Variants in EPHA2 observed in about 807,000 individuals in gnomAD.
EPHA2 encodes the protein EPH receptor A2.
EPHA2 carries 54 observed loss-of-function variants against 104.9 expected under a neutral mutation model. The ratio of observed to expected loss-of-function variants is 0.51; its 90% CI spans 0.41 to 0.65. EPHA2 has a LOEUF of 0.65. Among genes scored for constraint, EPHA2 ranks in the 30% least tolerant of loss-of-function variants. The pLI is 0.00. For synonymous variants in EPHA2, 560 were observed against 559.1 expected, an observed-to-expected ratio of 1.00 and a Z score of -0.02; for missense variants, 1,117 against 1,369.5, an observed-to-expected ratio of 0.82 and a Z score of 2.91.
chr1:16,136,829 G>C (rs1243674611), intron 5 of EPHA2, among the ~76,000 whole-genome samples: 5 of 146,402 alleles, frequency 3.4e-5, no homozygotes, highest in Non-Finnish European at 7.5e-5. Flanking sequence ...ACGGAGTTTC[G>C]CTCTTGTTGC....
At chr1:16,143,482 C>T (rs2024866921) in intron 3 of EPHA2, among the ~76,000 whole-genome samples, 1 of 152,078 alleles carries the variant, frequency 6.6e-6, no homozygotes, top group Non-Finnish European at 1.5e-5. Flanking sequence ...TCTGGCAGGC[C>T]TGGGCTACTC....
Position 16,130,826 on chromosome 1 carries a change from C to T in EPHA2, c.2476-407G>A, listed in dbSNP as rs904426672. 2.0e-5 allele frequency among the ~76,000 whole-genome samples: 3 copies of T among 152,082 alleles called. No individual in the cohort carries two copies. Among genetic ancestry groups the T allele is most frequent in the African/African-American group, 7.2e-5 (3 of 41,398 alleles). On this transcript the variant is annotated intron_variant, in intron 14 of 16. Transcript: ENST00000358432. This position sits in a 1 kb window ranked among gnomAD's most constrained non-coding sequence, Gnocchi z 4.5. ...TTAATTTTTTGTAGAGATGGGGTTT[C>T]GTCATGTTGTCCAGGCTGGTCTCGA...
At chr1:16,155,749 A>C in intron 1 of EPHA2, 99 bp downstream of exon 1, 2 of 990,828 alleles carry the variant, frequency 2.0e-6, no homozygotes, top group Non-Finnish European at 2.7e-6. Context: ...GGACTGGGCG[A>C]CACCAGGTAG....
At chr1:16,136,947 C>T (rs375288631) in intron 5 of EPHA2, among the ~76,000 whole-genome samples, 2 of 151,432 alleles carry the variant, frequency 1.3e-5, no homozygotes, top group Admixed American at 6.6e-5. Flanking sequence ...TACAGGCATG[C>T]GCCACCACAC....
At chr1:16,151,002 T>C (rs199886996) in intron 1 of EPHA2, 39 bp from the exon 2 acceptor site, 34 of 1,603,708 alleles carry the variant, frequency 2.1e-5, no homozygotes, top group Non-Finnish European at 2.8e-5. Context: ...CCTGGGGGTG[T>C]CTTCAGGAGT....
intron 16 of EPHA2, among the ~76,000 whole-genome samples, chr1:16,127,703 G>T (rs2124188264): frequency 6.6e-6 from 1 of 152,322 alleles, no homozygotes; most frequent in Middle Eastern, 3.4e-3. Context: ...GAGGAGGCAT[G>T]CAGGCCCCAG....
At chr1:16,138,741 C>T (rs2024768266) in intron 3 of EPHA2, among the ~76,000 whole-genome samples, 1 of 152,238 alleles carries the variant, frequency 6.6e-6, no homozygotes, top group South Asian at 2.1e-4. Context: ...TTTCAGCCAA[C>T]CAAGAATCCC....
At chr1:16,152,950 C>A (rs547621498) in intron 1 of EPHA2, among the ~76,000 whole-genome samples, 1 of 152,190 alleles carries the variant, frequency 6.6e-6, no homozygotes, top group African/African-American at 2.4e-5. Context: ...TGGGTCCCTC[C>A]GCCCTGACGC....
chr1:16,145,197 G>A (rs1162585125), intron 3 of EPHA2, among the ~76,000 whole-genome samples: 1 of 152,198 alleles, frequency 6.6e-6, no homozygotes, highest in Non-Finnish European at 1.5e-5. Context: ...GCCAGCACAG[G>A]AAGCGGAGAC....
At chr1:16,155,550 G>C in intron 1 of EPHA2, 1 of 380,278 alleles carries the variant, frequency 2.6e-6, no homozygotes, top group Non-Finnish European at 4.7e-6. Flanking sequence ...GCCCCCCGCC[G>C]GGACGCGTTC....
intron 2 of EPHA2, among the ~76,000 whole-genome samples, chr1:16,149,855 C>A (rs932496032): frequency 6.6e-6 from 1 of 152,170 alleles, no homozygotes; most frequent in African/African-American, 2.4e-5. Flanking sequence ...GTCCCGAGAG[C>A]CGGCCTGAGA....
intron 1 of EPHA2, among the ~76,000 whole-genome samples, chr1:16,154,295 CAA>C (rs2025105036): frequency 6.6e-6 from 1 of 152,160 alleles, no homozygotes; most frequent in African/African-American, 2.4e-5. Flanking sequence ...TGAGCTCCTG[CAA>C]CCAGAAGTCC....
chr1:16,143,158 T>TGATGGATGGATGGATGGATGGATG (rs34028517), intron 3 of EPHA2, among the ~76,000 whole-genome samples: 1 of 123,072 alleles, frequency 8.1e-6, no homozygotes, highest in African/African-American at 3.3e-5. Flanking sequence ...AATGGATGGA[T>TGATGGATGGATGGATGGATGGATG]GATGGATGGA....
Position 16,148,594 on chromosome 1 carries a change from C to T in EPHA2, c.607G>A (p.Glu203Lys), listed in dbSNP as rs1477038802. 5.6e-6 allele frequency: 9 copies of T among 1,610,342 alleles called. No individual in the cohort carries two copies. Among genetic ancestry groups the T allele is most frequent in the African/African-American group, 1.3e-5 (1 of 75,066 alleles). Reference protein sequence around the residue: ...SVRVYYKKCPELLQGLAHFPE... With the variant: ...SVRVYYKKCPKLLQGLAHFPE... ...AAGTGGGCCAGGCCCTGCAGCAGCT[C>T]GGGGCACTTCTTGTAGTAGACACGG... Residue 203 changes from glutamate to lysine, a missense_variant, in exon 3 of 17, where the codon GAG becomes AAG. Physicochemically the swap from Glu to Lys is moderately conservative, Grantham distance 56. Transcript: ENST00000358432. The surrounding 1 kb of genome is among the most constrained non-coding windows in gnomAD (Gnocchi z 4.9).
rs1233810957 is a variant in EPHA2 at position 16,150,873 on chromosome 1, C to T, written c.153+23G>A. ...CCAGCAGCCCCATTCTCACACCTCT[C>T]CCCACCCCGAAGGCTTACATACCCC... On this transcript the variant is annotated intron_variant, in intron 2 of 16. Transcript: ENST00000358432. This position sits in a 1 kb window ranked among gnomAD's most constrained non-coding sequence, Gnocchi z 4.8. 20 of 1,613,964 alleles carry T rather than the reference C, an allele frequency of 1.2e-5. No individual in the cohort carries two copies. Among genetic ancestry groups the T allele is most frequent in the Admixed American group, 1.7e-5 (1 of 60,020 alleles).
At position 16,149,947 on chromosome 1, in the gene EPHA2, C is replaced by T. The variant is rs150401104; in HGVS notation, c.154-900G>A. ...AGCACAGGGGAGGAGGACAGAGGCCCGGGCTATACTGTGTGGCGTTGGCCA... is the reference window on the plus strand; with the variant it reads ...AGCACAGGGGAGGAGGACAGAGGCCTGGGCTATACTGTGTGGCGTTGGCCA... On this transcript the variant is annotated intron_variant, in intron 2 of 16. Coordinates refer to ENST00000358432, the MANE Select transcript of EPHA2 (RefSeq NM_004431.5). 3.3e-5 allele frequency among the ~76,000 whole-genome samples: 5 copies of T among 152,286 alleles called. No individual in the cohort carries two copies. The East Asian group carries it at 5.8e-4, about 18-fold the overall frequency.
In EPHA2 at chr1:16,130,529, A is replaced by G; in HGVS notation, c.2476-110T>C. The G allele has an allele frequency of 9.1e-7, 1 of 1,094,294 alleles. No individual in the cohort carries two copies. Among genetic ancestry groups the G allele is most frequent in the Non-Finnish European group, 1.3e-6 (1 of 793,410 alleles). The allele number at this position is 1,094,294 out of a possible 1,614,324, so 67.8% of individuals were successfully genotyped here. On this transcript the variant is annotated intron_variant, in intron 14 of 16. Coordinates refer to ENST00000358432, the MANE Select transcript of EPHA2 (RefSeq NM_004431.5). This position sits in a 1 kb window ranked among gnomAD's most constrained non-coding sequence, Gnocchi z 4.5. ...GAGGGGAGGGGAACAGGAACATCCC[A>G]GAAACAGACAGGAAGGGCCTTTCTT...
At position 16,133,277 on chromosome 1, in the gene EPHA2, G is replaced by A. The variant is rs2124205640; in HGVS notation, c.1956C>T (p.Tyr652=). ...PVAIKTLKAG[Y]TEKQRVDFLG... is the part of the protein sequence containing the mutation. Reference sequence around the variant, plus strand: ...GGAAGTCCACTCGCTGCTTCTCTGTGTAGCCGGCTTTCAGCGTCTTGATGG... The same window carrying A: ...GGAAGTCCACTCGCTGCTTCTCTGTATAGCCGGCTTTCAGCGTCTTGATGG... Residue 652 remains tyrosine (Y), a synonymous_variant, in exon 11 of 17, where the codon TAC becomes TAT. Coordinates refer to ENST00000358432, the MANE Select transcript of EPHA2 (RefSeq NM_004431.5). The A allele has an allele frequency of 6.2e-7, 1 of 1,613,918 alleles. No individual in the cohort carries two copies. Among genetic ancestry groups the A allele is most frequent in the Non-Finnish European group, 8.5e-7 (1 of 1,179,952 alleles).
Position 16,131,857 on chromosome 1 carries a change from G to A in EPHA2, c.2339C>T (p.Pro780Leu), listed in dbSNP as rs1440863246. Residue 780 changes from proline to leucine, a missense_variant, in exon 14 of 17, where the codon CCC becomes CTC. Around this residue, in one of 3 missense-constraint regions of EPHA2, gnomAD observed 340 missense variants for 480.5 expected, o/e 0.71. Transcript: ENST00000358432. This position sits in a 1 kb window ranked among gnomAD's most constrained non-coding sequence, Gnocchi z 5.2. ...ATYTTSGGKI[P>L]IRWTAPEAIS... ...GGCCTCCGGGGCGGTCCAGCGGATG[G>A]GGATCTTGCCGCCCTGCAGGGAACC... The A allele has an allele frequency of 6.2e-7, 1 of 1,613,736 alleles. No individual in the cohort carries two copies. The highest frequency in any genetic ancestry group is 1.3e-5 in the African/African-American group (1 of 74,932).
Sources: gnomAD v4.1 joint callset for allele counts (sites outside exome capture counted in the v4.1 genomes callset) on GRCh38, gnomAD v4.1.1 for gene constraint, gnomAD v4.1.1 regional missense constraint, Gnocchi (gnomAD v3.1) non-coding constraint, MANE v1.5 for transcripts, NCBI Gene and HGNC (gene_info 2026-07-23, HGNC 2026-07-21) for gene names.